The following ERBIN variants were observed in gnomAD, a reference collection of about 807,000 sequenced individuals.
ERBIN encodes densin-180-like protein.
A neutral mutation model predicts 158.4 loss-of-function variants in ERBIN; 60 were observed. That is an observed-to-expected ratio of 0.38 (90% CI 0.31 to 0.47). The LOEUF (loss-of-function observed/expected upper bound fraction) is 0.47. ERBIN is among the 20% of genes least tolerant of loss of function. The pLI is 0.99. For missense variants in ERBIN, 1,610 were observed against 1,648.0 expected, an observed-to-expected ratio of 0.98 and a Z score of 0.40; for synonymous variants, 594 against 557.2, an observed-to-expected ratio of 1.07 and a Z score of -0.93.
chr5:65,992,400 G>A (rs1751974036), intron 2 of ERBIN, among the ~76,000 whole-genome samples: 1 of 152,018 alleles, frequency 6.6e-6, no homozygotes, highest in African/African-American at 2.4e-5. Flanking sequence ...GCCTGCCTCG[G>A]CCTCCCAAAG....
chr5:65,964,752 T>TC, intron 1 of ERBIN, among the ~76,000 whole-genome samples: 1 of 147,770 alleles, frequency 6.8e-6, no homozygotes, highest in Admixed American at 6.7e-5. Flanking sequence ...TTTTTTTTTT[T>TC]TTTTTTTTGA....
rs1761860720 is a variant in ERBIN at position 66,075,048 on chromosome 5, G to A, written c.3781G>A (p.Gly1261Ser). 9.9e-6 allele frequency: 16 copies of A among 1,613,946 alleles called. No homozygotes were observed. Among genetic ancestry groups the A allele is most frequent in the Non-Finnish European group, 1.4e-5 (16 of 1,179,982 alleles). ...GATGCCTTTGAGTAATGGACAGATGGGCCAGCCTCTCAGGCCTCAGGCAAA... is the reference window on the plus strand; with the variant it reads ...GATGCCTTTGAGTAATGGACAGATGAGCCAGCCTCTCAGGCCTCAGGCAAA... ...MKMPLSNGQM[G>S]QPLRPQANYS... is the part of the protein sequence containing the mutation. Residue 1261 changes from glycine to serine, a missense_variant, in exon 23 of 26, where the codon GGC (glycine) becomes AGC (serine). Physicochemically the swap from Gly to Ser is moderately conservative, Grantham distance 56. Around this residue, in one of 2 missense-constraint regions of ERBIN, gnomAD observed 1,014 missense variants for 936.1 expected, o/e 1.08. Transcript: ENST00000284037.
intron 25 of ERBIN, among the ~76,000 whole-genome samples, chr5:66,077,767 C>T (rs1379932491): frequency 7.3e-6 from 1 of 137,646 alleles, no homozygotes; most frequent in Non-Finnish European, 1.6e-5. Flanking sequence ...TCTACACACA[C>T]ACACACACAC....
At position 66,037,856 on chromosome 5, in the gene ERBIN, C is replaced by G. The variant is rs538365151; in HGVS notation, c.1207-527C>G. 2.0e-5 allele frequency among the ~76,000 whole-genome samples: 3 copies of G among 152,224 alleles called. No homozygotes were observed. The South Asian group carries it at 6.2e-4, about 32-fold the overall frequency. ...GGGGACTCCACCACCGAGTGACTTA[C>G]TGGTGTCATTACTGTAGACAGGATA... On this transcript the variant is annotated intron_variant, in intron 14 of 25. Transcript: ENST00000284037.
At chr5:65,928,293 CTTG>C (rs774458501) in intron 1 of ERBIN, among the ~76,000 whole-genome samples, 7 of 146,366 alleles carry the variant, frequency 4.8e-5, no homozygotes, top group South Asian at 2.2e-4. Context: ...TGGAATAATT[CTTG>C]TTAAGTCAAA....
At chr5:66,049,838 C>T (rs1022526144) in intron 19 of ERBIN, among the ~76,000 whole-genome samples, 1 of 151,968 alleles carries the variant, frequency 6.6e-6, no homozygotes, top group African/African-American at 2.4e-5. Flanking sequence ...GTTATACTAC[C>T]TATTATAGAA....
chr5:65,950,314 A>G (rs1394251819), intron 1 of ERBIN, among the ~76,000 whole-genome samples: 2 of 152,126 alleles, frequency 1.3e-5, no homozygotes, highest in East Asian at 1.9e-4. Flanking sequence ...GTTTCCTCCA[A>G]TCTGACAATT....
intron 17 of ERBIN, among the ~76,000 whole-genome samples, 182 bp from the exon 18 acceptor site, chr5:66,046,171 C>T (rs1056316247): frequency 9.2e-5 from 14 of 152,108 alleles, no homozygotes; most frequent in Non-Finnish European, 4.4e-5. Flanking sequence ...TCTTTGGGGG[C>T]CACGTGCTCC....
rs1192133008 is a variant in ERBIN at position 66,079,921 on chromosome 5, A to C, written c.*1391A>C. ...ATTTTATTTGTTTTTGTTCTATGTA[A>C]TCAAATAAAATTTGAGTAACATGTA... On this transcript the variant is annotated 3_prime_UTR_variant, in exon 26 of 26. Coordinates refer to ENST00000284037, the MANE Select transcript of ERBIN (RefSeq NM_001253697.2). 6.6e-6 allele frequency: 1 copy of C among 152,138 alleles called. No individual in the cohort carries two copies. Among genetic ancestry groups the C allele is most frequent in the Non-Finnish European group, 1.5e-5 (1 of 68,006 alleles). The allele number at this position is 152,138 out of a possible 1,614,324, so 9.4% of individuals were successfully genotyped here.
At chr5:65,940,543 A>G (rs1580085649) in intron 1 of ERBIN, among the ~76,000 whole-genome samples, 1 of 103,532 alleles carries the variant, frequency 9.7e-6, no homozygotes, top group African/African-American at 4.0e-5. Flanking sequence ...CTGCCCGGCC[A>G]GCCGCCCCGT....
intron 1 of ERBIN, among the ~76,000 whole-genome samples, chr5:65,938,822 A>G (rs1332101433): frequency 6.6e-6 from 1 of 151,852 alleles, no homozygotes; most frequent in Non-Finnish European, 1.5e-5. Context: ...AAGTGCCGGG[A>G]TTACAGCTGT....
intron 7 of ERBIN, among the ~76,000 whole-genome samples, chr5:66,015,002 C>T (rs1052652365): frequency 3.9e-5 from 6 of 152,068 alleles, no homozygotes; most frequent in African/African-American, 1.4e-4. Flanking sequence ...TAAAGCCCAC[C>T]TCAATACTGA....
chr5:65,965,391 T>G (rs1473328392), intron 1 of ERBIN, among the ~76,000 whole-genome samples: 5 of 5,564 alleles, frequency 9.0e-4, no homozygotes, highest in African/African-American at 1.5e-3. Context: ...TGTTTTTTTT[T>G]TTTTTTTTTT....
At chr5:66,070,329 C>T (rs529788894) in intron 21 of ERBIN, among the ~76,000 whole-genome samples, 114 of 152,250 alleles carry the variant, frequency 7.5e-4, no homozygotes, top group African/African-American at 2.6e-3. Context: ...AGGCATGAGC[C>T]ACCGCGCCCA....
At chr5:66,012,235 T>G (rs889882049) in intron 5 of ERBIN, 108 bp downstream of exon 5, 2 of 635,630 alleles carry the variant, frequency 3.1e-6, no homozygotes, top group Admixed American at 6.2e-5. Flanking sequence ...ATCTTAAGTC[T>G]ATACAAAATT....
intron 1 of ERBIN, among the ~76,000 whole-genome samples, chr5:65,977,797 A>G (rs1750159977): frequency 6.6e-6 from 1 of 152,208 alleles, no homozygotes; most frequent in Admixed American, 6.5e-5. Context: ...TCGGGAGGCC[A>G]AGGCAGGCGG....
At chr5:66,065,822 A>G (rs1760933385) in intron 21 of ERBIN, among the ~76,000 whole-genome samples, 1 of 152,188 alleles carries the variant, frequency 6.6e-6, no homozygotes, top group Non-Finnish European at 1.5e-5. Context: ...TCAAGTTGAC[A>G]CAATAAATAA....
At chr5:66,070,989 A>G (rs1761477859) in intron 21 of ERBIN, among the ~76,000 whole-genome samples, 1 of 152,194 alleles carries the variant, frequency 6.6e-6, no homozygotes, top group Non-Finnish European at 1.5e-5. Flanking sequence ...AAATATATAT[A>G]GGGATGTGTT....
chr5:66,059,891 C>T (rs1254751828), intron 21 of ERBIN, among the ~76,000 whole-genome samples: 1 of 152,130 alleles, frequency 6.6e-6, no homozygotes, highest in Non-Finnish European at 1.5e-5. Flanking sequence ...ATGAAGCCCA[C>T]TTGATCATGG....
Sources: allele counts gnomAD v4.1 joint callset (sites outside exome capture counted in the v4.1 genomes callset), GRCh38; gene constraint gnomAD v4.1.1; regional missense constraint gnomAD v4.1.1; transcripts MANE v1.5; gene names NCBI Gene and HGNC (gene_info 2026-07-23, HGNC 2026-07-21).